Variants in COG4 observed in about 807,000 individuals in gnomAD.
COG4 encodes conserved oligomeric Golgi complex subunit 4.
A neutral mutation model predicts 95.1 loss-of-function variants in COG4; 65 were observed. The ratio of observed to expected loss-of-function variants is 0.68; its 90% CI spans 0.56 to 0.84. The LOEUF is 0.84. Among genes scored for constraint, COG4 ranks in the 40% least tolerant of loss-of-function variants. The pLI is 0.00. For synonymous variants in COG4, 421 were observed against 374.8 expected, an observed-to-expected ratio of 1.12 and a Z score of -1.42; for missense variants, 1,045 against 989.1, an observed-to-expected ratio of 1.06 and a Z score of -0.76.
chr16:70,499,745 C>T (rs1020853948), intron 9 of COG4, among the ~76,000 whole-genome samples: 2 of 152,084 alleles, frequency 1.3e-5, no homozygotes, highest in South Asian at 2.1e-4. Flanking sequence ...CTGCAAGCTC[C>T]GCCTCCCGGG....
chr16:70,517,995 A>G (rs1350469003), intron 2 of COG4, among the ~76,000 whole-genome samples: 1 of 151,924 alleles, frequency 6.6e-6, no homozygotes, highest in African/African-American at 2.4e-5. Context: ...CACTGGCGCA[A>G]TCTCAGCTCA....
chr16:70,497,967 C>T lies in COG4; in HGVS notation c.1284G>A (p.Glu428=). 1.2e-6 allele frequency: 2 copies of T among 1,610,002 alleles called. No homozygotes were observed. The highest frequency in any genetic ancestry group is 1.1e-5 in the South Asian group (1 of 91,000). The change falls in exon 10 of 19, where the codon GAG becomes GAA. Residue 428 remains glutamate, a synonymous_variant. Coordinates refer to ENST00000323786, the MANE Select transcript of COG4 (RefSeq NM_015386.3). ...QELIGLYVTM[E]EYFMRETVNK... is the part of the protein sequence containing the mutation. The stretch of plus-strand genomic sequence containing the variant: ...TGACAGTCTCCCTCATGAAGTACTC[C>T]TCCATGGTAACATATAAGCCAATTA...
intron 4 of COG4, among the ~76,000 whole-genome samples, chr16:70,513,894 G>A (rs1350076953): frequency 2.6e-5 from 4 of 152,120 alleles, no homozygotes; most frequent in South Asian, 4.1e-4. Flanking sequence ...CAGGACCTAC[G>A]TATGGCCTAT....
intron 8 of COG4, among the ~76,000 whole-genome samples, chr16:70,505,759 G>A (rs560729044): frequency 6.6e-6 from 1 of 151,936 alleles, no homozygotes; most frequent in East Asian, 2.0e-4. Flanking sequence ...AACCCGGGAG[G>A]TGGAGCTTGC....
intron 4 of COG4, among the ~76,000 whole-genome samples, chr16:70,513,543 G>C (rs1038421177): frequency 6.6e-6 from 1 of 152,108 alleles, no homozygotes; most frequent in Non-Finnish European, 1.5e-5. Flanking sequence ...AGTTTAATTT[G>C]TAAATTAGAC....
At chr16:70,485,658 T>C (rs1033263256) in intron 13 of COG4, among the ~76,000 whole-genome samples, 63 of 151,056 alleles carry the variant, frequency 4.2e-4, no homozygotes, top group Non-Finnish European at 7.7e-4. Flanking sequence ...TGATCTTGGC[T>C]GACTGCAACC....
chr16:70,523,477 C>T lies in COG4; in HGVS notation c.67G>A (p.Gly23Arg), dbSNP rs367707841. The T allele has an allele frequency of 1.9e-6, 3 of 1,614,032 alleles. No individual in the cohort carries two copies. The highest frequency in any genetic ancestry group is 1.1e-5 in the South Asian group (1 of 91,094). ...KLSGVQQPSE[G>R]VGGGRCSEIS... ...TCGGAGCAGCGGCCACCTCCCACCCCCTCAGACGGCTGCTGCACCCCTGAC... is the reference window on the plus strand; with the variant it reads ...TCGGAGCAGCGGCCACCTCCCACCCTCTCAGACGGCTGCTGCACCCCTGAC... The change falls in exon 1 of 19, where the codon GGG (glycine) becomes AGG (arginine). Residue 23 changes from glycine (G) to arginine (R), a missense_variant. Physicochemically the swap from Gly to Arg is moderately radical, Grantham distance 125. Transcript: ENST00000323786.
chr16:70,497,106 T>C (rs1390683525), intron 11 of COG4, 115 bp downstream of exon 11: 3 of 1,026,998 alleles, frequency 2.9e-6, no homozygotes, highest in Non-Finnish European at 4.5e-6. Context: ...TAGGAGCTGA[T>C]GTCCTGTATA....
Position 70,501,232 on chromosome 16 carries a change from C to A in COG4, c.1062-141G>T, listed in dbSNP as rs2049443418. On this transcript the variant is annotated intron_variant, in intron 8 of 18. Coordinates refer to ENST00000323786, the MANE Select transcript of COG4 (RefSeq NM_015386.3). ...CTGCCAGATGGCCCTCCTAGCTCTG[C>A]TGGCCCAATTAGAATCAGAGATAGC... 1.1e-5 allele frequency: 9 copies of A among 823,852 alleles called. No individual in the cohort carries two copies. In the East Asian group the frequency reaches 2.3e-4, roughly 21 times the overall value. The allele number at this position is 823,852 out of a possible 1,614,324, so 51.0% of individuals were successfully genotyped here.
intron 7 of COG4, chr16:70,508,961 A>G (rs546744751): frequency 3.6e-6 from 2 of 555,202 alleles, no homozygotes; most frequent in East Asian, 7.2e-5. Context: ...ATTTTGTGAT[A>G]GAGAACTGGT....
chr16:70,520,658 G>A (rs1353484882), intron 1 of COG4, among the ~76,000 whole-genome samples: 1 of 151,152 alleles, frequency 6.6e-6, no homozygotes, highest in Non-Finnish European at 1.5e-5. Context: ...AAAATACAAT[G>A]CCTAAACAAA....
chr16:70,504,142 G>A (rs930734569), intron 8 of COG4, among the ~76,000 whole-genome samples: 1 of 152,122 alleles, frequency 6.6e-6, no homozygotes, highest in Non-Finnish European at 1.5e-5. Flanking sequence ...TCTTCCTCTG[G>A]AAAGTGTTTA....
intron 8 of COG4, 27 bp from the exon 9 acceptor site, chr16:70,501,118 G>A (rs1314441493): frequency 1.9e-6 from 3 of 1,609,396 alleles, no homozygotes; most frequent in Non-Finnish European, 1.7e-6. Flanking sequence ...AGAAGGAATA[G>A]GACGACAATG....
At position 70,481,401 on chromosome 16, in the gene COG4, A is replaced by C; in HGVS notation, c.2193T>G (p.Phe731Leu). 1.2e-6 allele frequency: 2 copies of C among 1,613,170 alleles called. No homozygotes were observed. The highest frequency in any genetic ancestry group is 1.7e-6 in the Non-Finnish European group (2 of 1,179,930). The stretch of plus-strand genomic sequence containing the variant: ...TGGTGGCCATCTGGGAGAGCCGGGC[A>C]AACTTGTCTCGGATGGTCCAGGTGG... ...TVTTWTIRDK[F>L]ARLSQMATIL... Residue 731 changes from phenylalanine (F) to leucine (L), a missense_variant, in exon 18 of 19, where the codon TTT (phenylalanine) becomes TTG (leucine). Transcript: ENST00000323786.
At chr16:70,506,603 A>C (rs1211655541) in intron 8 of COG4, among the ~76,000 whole-genome samples, 1 of 110,688 alleles carries the variant, frequency 9.0e-6, no homozygotes, top group Non-Finnish European at 1.9e-5. Flanking sequence ...CAAAAAAAAA[A>C]AAAAAAAAAA....
chr16:70,487,217 A>G (rs1243914706), intron 13 of COG4, among the ~76,000 whole-genome samples: 1 of 151,670 alleles, frequency 6.6e-6, no homozygotes, highest in Non-Finnish European at 1.5e-5. Flanking sequence ...CAGAGGTTGC[A>G]GTGAGCCAAG....
intron 6 of COG4, 100 bp downstream of exon 6, chr16:70,509,816 A>C (rs900889207): frequency 1.2e-6 from 1 of 856,568 alleles, no homozygotes; most frequent in Non-Finnish European, 1.9e-6. Context: ...AAACTACATG[A>C]TTAAATTAAA....
At chr16:70,513,060 C>CA (rs2049745252) in intron 4 of COG4, among the ~76,000 whole-genome samples, 1 of 152,166 alleles carries the variant, frequency 6.6e-6, no homozygotes, top group Admixed American at 6.5e-5. Flanking sequence ...TCCCACCTCT[C>CA]AAAGATGGGC....
chr16:70,483,806 C>T, intron 14 of COG4, 47 bp downstream of exon 14: 2 of 1,398,194 alleles, frequency 1.4e-6, no homozygotes, highest in Non-Finnish European at 2.0e-6. Context: ...CTTCTCAGAG[C>T]AACACACAGG....
Sources: allele counts gnomAD v4.1 joint callset (sites outside exome capture counted in the v4.1 genomes callset), GRCh38; gene constraint gnomAD v4.1.1; transcripts MANE v1.5; gene names NCBI Gene and HGNC (gene_info 2026-07-23, HGNC 2026-07-21).